Variants in LINGO2 observed in about 807,000 individuals in gnomAD.
The protein encoded by LINGO2 is leucine rich repeat and Ig domain containing 2, also known as leucine-rich repeat and immunoglobulin-like domain-containing nogo receptor-interacting protein 2.
Under a neutral mutation model 30.6 loss-of-function variants are expected in LINGO2, and 14 were observed. That is an observed-to-expected ratio of 0.46 (90% CI 0.30 to 0.72). The LOEUF is 0.72. Among genes scored for constraint, LINGO2 ranks in the 30% least tolerant of loss-of-function variants. The pLI is 0.07. For synonymous variants in LINGO2, 317 were observed against 288.5 expected, an observed-to-expected ratio of 1.10 and a Z score of -1.00; for missense variants, 729 against 751.7, an observed-to-expected ratio of 0.97 and a Z score of 0.35.
At chr9:28,849,674 C>T in the LINGO2 span, among the ~76,000 whole-genome samples, 1 of 151,952 alleles carries the variant, frequency 6.6e-6, no homozygotes, top group African/African-American at 2.4e-5. Context: ...CTACTTAACA[C>T]AAGCTACCGA....
chr9:28,952,749 C>T, the LINGO2 span, among the ~76,000 whole-genome samples: 1 of 152,150 alleles, frequency 6.6e-6, no homozygotes, highest in Non-Finnish European at 1.5e-5. Flanking sequence ...ATGATTGTAG[C>T]TGCATGAATG....
chr9:28,098,872 G>A (rs1826326790), intron 4 of LINGO2, among the ~76,000 whole-genome samples: 1 of 152,118 alleles, frequency 6.6e-6, no homozygotes, highest in African/African-American at 2.4e-5. Context: ...TGCTGATATG[G>A]GAGGAAATGG....
intron 1 of LINGO2, among the ~76,000 whole-genome samples, chr9:28,520,335 A>T (rs1335572998): frequency 6.6e-6 from 1 of 152,118 alleles, no homozygotes; most frequent in Non-Finnish European, 1.5e-5. Flanking sequence ...CTAGTTTATT[A>T]AGAATTTTTT....
chr9:28,409,904 G>A (rs1324465989), intron 2 of LINGO2, among the ~76,000 whole-genome samples: 1 of 142,994 alleles, frequency 7.0e-6, no homozygotes, highest in Admixed American at 6.7e-5. Flanking sequence ...GAGGGTGTGA[G>A]GGAGGGAGAG....
At chr9:28,912,091 G>A in the LINGO2 span, among the ~76,000 whole-genome samples, 2 of 151,876 alleles carry the variant, frequency 1.3e-5, no homozygotes, top group African/African-American at 4.8e-5. Flanking sequence ...CATCGGCCTG[G>A]CAACATGGCT....
intron 5 of LINGO2, among the ~76,000 whole-genome samples, chr9:27,968,771 T>C (rs558302119): frequency 6.6e-6 from 1 of 151,914 alleles, no homozygotes; most frequent in East Asian, 1.9e-4. Flanking sequence ...TTAGCCACAT[T>C]ATAAAGTTAG....
the LINGO2 span, among the ~76,000 whole-genome samples, chr9:28,998,859 G>C: frequency 6.6e-6 from 1 of 151,984 alleles, no homozygotes; most frequent in Non-Finnish European, 1.5e-5. Flanking sequence ...TATAGCACAG[G>C]TCTAGGGACA....
At chr9:28,108,922 G>A (rs1826680282) in intron 4 of LINGO2, among the ~76,000 whole-genome samples, 1 of 152,004 alleles carries the variant, frequency 6.6e-6, no homozygotes, top group African/African-American at 2.4e-5. Context: ...TGAGACATAA[G>A]CCTGTGCTTT....
At chr9:28,391,604 CGTGTGTGTGT>C (rs35676869) in intron 2 of LINGO2, among the ~76,000 whole-genome samples, 2 of 147,732 alleles carry the variant, frequency 1.4e-5, no homozygotes, top group African/African-American at 5.0e-5. Context: ...TTTATGTTTG[CGTGTGTGTGT>C]GTGTGTGTGT....
At chr9:28,917,837 C>T in the LINGO2 span, among the ~76,000 whole-genome samples, 1 of 151,828 alleles carries the variant, frequency 6.6e-6, no homozygotes, top group Non-Finnish European at 1.5e-5. Flanking sequence ...AATCAAGGTG[C>T]AAATGTATTC....
At chr9:28,371,585 G>A (rs1283570361) in intron 3 of LINGO2, among the ~76,000 whole-genome samples, 4 of 152,132 alleles carry the variant, frequency 2.6e-5, no homozygotes, top group Non-Finnish European at 4.4e-5. Context: ...TAGGACTTCA[G>A]CAGAGTAATT....
At chr9:28,593,686 G>T (rs1325378942) in intron 1 of LINGO2, among the ~76,000 whole-genome samples, 6 of 150,218 alleles carry the variant, frequency 4.0e-5, no homozygotes, top group African/African-American at 1.5e-4. Context: ...ACTTGCTCAA[G>T]ATCATTTCAC....
At chr9:28,016,395 G>A (rs1033408865) in intron 4 of LINGO2, among the ~76,000 whole-genome samples, 2 of 152,052 alleles carry the variant, frequency 1.3e-5, no homozygotes, top group East Asian at 1.9e-4. Context: ...TTTATCCCCT[G>A]AAAGTCTGAC....
rs892508745 is a variant in LINGO2, at chr9:28,184,369, C to T, written c.-87+110839G>A. On this transcript the variant is annotated intron_variant, in intron 4 of 5. Transcript: ENST00000379992. ...AGACAACAAGTGATACTATGAGGCACATCTGGTCTAACATTAAAGCCTATA... is the reference window on the plus strand; with the variant it reads ...AGACAACAAGTGATACTATGAGGCATATCTGGTCTAACATTAAAGCCTATA... Among the ~76,000 whole-genome samples, 6 of 152,152 alleles carry T rather than the reference C, an allele frequency of 3.9e-5. No homozygotes were observed. The South Asian group carries it at 1.2e-3, about 31-fold the overall frequency.
chr9:28,835,022 A>G, the LINGO2 span, among the ~76,000 whole-genome samples: 1 of 152,210 alleles, frequency 6.6e-6, no homozygotes, highest in Admixed American at 6.5e-5. Context: ...CCAAACAGGT[A>G]GAATTTTGCA....
intron 4 of LINGO2, among the ~76,000 whole-genome samples, chr9:28,244,748 C>T (rs1019925360): frequency 6.6e-6 from 1 of 151,514 alleles, no homozygotes; most frequent in African/African-American, 2.4e-5. Flanking sequence ...CAAAACTAAA[C>T]CAGGAAGAAG....
At chr9:28,256,019 TAC>T (rs1401211976) in intron 4 of LINGO2, among the ~76,000 whole-genome samples, 1 of 152,050 alleles carries the variant, frequency 6.6e-6, no homozygotes, top group Non-Finnish European at 1.5e-5. Context: ...TGTCCAAATA[TAC>T]ACAGATATAT....
At chr9:28,972,109 G>T in the LINGO2 span, among the ~76,000 whole-genome samples, 2 of 152,196 alleles carry the variant, frequency 1.3e-5, no homozygotes, top group Non-Finnish European at 2.9e-5. Context: ...GCCCCCTAAA[G>T]CAAAAACAGC....
At chr9:28,847,962 CAT>C in the LINGO2 span, among the ~76,000 whole-genome samples, 39,713 of 94,958 alleles carry the variant, frequency 0.42, 10,698 homozygotes, top group Middle Eastern at 0.62. Context: ...TATATACACA[CAT>C]ATATATGTAT....
Sources: allele counts gnomAD v4.1 joint callset (sites outside exome capture counted in the v4.1 genomes callset), GRCh38; gene constraint gnomAD v4.1.1; transcripts MANE v1.5; gene names NCBI Gene and HGNC (gene_info 2026-07-23, HGNC 2026-07-21).